The following CNOT4 variants were observed in gnomAD, a reference collection of about 807,000 sequenced individuals.
CNOT4 encodes CCR4-NOT transcription complex subunit 4, also known as CCR4-associated factor 4.
CNOT4 carries 8 observed loss-of-function variants against 73.8 expected under a neutral mutation model. The observed-to-expected ratio is 0.11, with a 90% CI of 0.06 to 0.20. CNOT4 has a LOEUF of 0.20. Ranked by LOEUF, CNOT4 falls within the 10% of genes least tolerant of loss-of-function variation. The pLI is 1.00. For missense variants in CNOT4, 564 were observed against 883.4 expected (o/e 0.64, Z 4.58); for synonymous variants, 293 against 321.1 (o/e 0.91, Z 0.94).
chr7:135,505,351 G>A (rs1585748955), intron 1 of CNOT4, among the ~76,000 whole-genome samples: 1 of 152,076 alleles, frequency 6.6e-6, no homozygotes, highest in Admixed American at 6.6e-5. Flanking sequence ...TCAGCAGTTC[G>A]AGAACAGCTG....
chr7:135,369,017 GT>G (rs112295492), intron 10 of CNOT4, among the ~76,000 whole-genome samples: 1 of 152,132 alleles, frequency 6.6e-6, no homozygotes. Context: ...AAGCCAATGG[GT>G]TTTTCCAGCT....
rs191580801 is a variant in CNOT4 at position 135,424,870 on chromosome 7, C to A, written c.175-2517G>T. Among the ~76,000 whole-genome samples the A allele has an allele frequency of 9.9e-5, 15 of 152,270 alleles. No individual in the cohort carries two copies. The East Asian group carries it at 2.9e-3, about 29-fold the overall frequency. ...TGTTGCTCTTCACTGACATCTAAAA[C>A]ACCGATGCTCCACTGCCTGAATGGA... On this transcript the variant is annotated intron_variant, in intron 2 of 11. Transcript: ENST00000541284.
chr7:135,421,508 T>C (rs564544192), intron 3 of CNOT4, among the ~76,000 whole-genome samples: 4 of 152,104 alleles, frequency 2.6e-5, no homozygotes, highest in Non-Finnish European at 5.9e-5. Flanking sequence ...TCAAGGAAAG[T>C]ATGAGTTCGA....
At chr7:135,416,563 C>A (rs564386298) in intron 3 of CNOT4, among the ~76,000 whole-genome samples, 55 of 152,228 alleles carry the variant, frequency 3.6e-4, no homozygotes, top group African/African-American at 1.2e-3. Context: ...GAGAGAAGAG[C>A]AGAGTTTGAA....
chr7:135,406,109 C>G (rs1192888885), intron 7 of CNOT4, among the ~76,000 whole-genome samples: 2 of 152,110 alleles, frequency 1.3e-5, no homozygotes, highest in African/African-American at 4.8e-5. Flanking sequence ...GAAATCTTAT[C>G]TACAAATTCA....
chr7:135,463,047 G>A (rs1162843502), intron 1 of CNOT4, among the ~76,000 whole-genome samples: 3 of 152,168 alleles, frequency 2.0e-5, no homozygotes, highest in Non-Finnish European at 4.4e-5. Flanking sequence ...TAGATGTGCA[G>A]CCTTATTTCT....
intron 10 of CNOT4, among the ~76,000 whole-genome samples, chr7:135,390,513 TA>T (rs1235338225): frequency 6.6e-6 from 1 of 152,148 alleles, no homozygotes; most frequent in Non-Finnish European, 1.5e-5. Flanking sequence ...CAAGAATATT[TA>T]TGTCAAAAAT....
At chr7:135,465,826 T>A (rs991793956) in intron 1 of CNOT4, among the ~76,000 whole-genome samples, 3 of 151,786 alleles carry the variant, frequency 2.0e-5, no homozygotes, top group Non-Finnish European at 4.4e-5. Context: ...GGCAGGTGGA[T>A]CACTTGAGGT....
At chr7:135,440,808 A>C (rs1336520464) in intron 1 of CNOT4, among the ~76,000 whole-genome samples, 1 of 152,128 alleles carries the variant, frequency 6.6e-6, no homozygotes, top group Non-Finnish European at 1.5e-5. Flanking sequence ...ATTCCCAGCT[A>C]CTTGGGAGGC....
chr7:135,501,560 C>T (rs1284851788), intron 1 of CNOT4, among the ~76,000 whole-genome samples: 2 of 152,142 alleles, frequency 1.3e-5, no homozygotes, highest in Admixed American at 6.5e-5. Flanking sequence ...TCAAACAAAC[C>T]TCAAGTGTCA....
intron 1 of CNOT4, among the ~76,000 whole-genome samples, chr7:135,446,712 TACACACACAGAC>T (rs1799854367): frequency 6.6e-6 from 1 of 151,446 alleles, no homozygotes; most frequent in South Asian, 2.1e-4. Context: ...AGATATGAAA[TACACACACAGAC>T]ACACACACAC....
chr7:135,436,102 A>G (rs1012556960), intron 2 of CNOT4, among the ~76,000 whole-genome samples: 1 of 151,862 alleles, frequency 6.6e-6, no homozygotes, highest in Non-Finnish European at 1.5e-5. Flanking sequence ...TGTCTTTCAG[A>G]GATTCCTCAC....
intron 10 of CNOT4, among the ~76,000 whole-genome samples, chr7:135,376,205 A>G (rs1390809833): frequency 6.6e-6 from 1 of 152,154 alleles, no homozygotes; most frequent in Admixed American, 6.5e-5. Context: ...AAACACATCC[A>G]TGCTTTGCAG....
chr7:135,426,573 A>G (rs1354873705), intron 2 of CNOT4, among the ~76,000 whole-genome samples: 1 of 148,636 alleles, frequency 6.7e-6, no homozygotes, highest in Non-Finnish European at 1.5e-5. Flanking sequence ...ACTGCACTCC[A>G]GCCTGGGTGA....
In CNOT4 at chr7:135,398,236, GA is replaced by G; in HGVS notation, c.822-11del. 1 of 1,413,662 alleles carries G rather than the reference GA, an allele frequency of 7.1e-7. No individual in the cohort carries two copies. Among genetic ancestry groups the G allele is most frequent in the South Asian group, 1.2e-5 (1 of 83,412 alleles). The allele number at this position is 1,413,662 out of a possible 1,614,324, so 87.6% of individuals were successfully genotyped here. ...AGGTTTGTCAATGGGGCTATAAAAAGAAAACAAATTGAATAAAATCAGAATA... is the reference window on the plus strand; with the variant it reads ...AGGTTTGTCAATGGGGCTATAAAAAGAAACAAATTGAATAAAATCAGAATA... On this transcript the variant is annotated splice_polypyrimidine_tract_variant and intron_variant, in intron 7 of 11. Coordinates refer to ENST00000541284, the MANE Select transcript of CNOT4 (RefSeq NM_001190850.2).
At chr7:135,400,951 C>A (rs890432862) in intron 7 of CNOT4, among the ~76,000 whole-genome samples, 1 of 152,042 alleles carries the variant, frequency 6.6e-6, no homozygotes, top group African/African-American at 2.4e-5. Flanking sequence ...TGGACTATAA[C>A]AAGTCAATTA....
intron 9 of CNOT4, 69 bp from the exon 10 acceptor site, chr7:135,394,484 G>A (rs1796574544): frequency 7.9e-7 from 1 of 1,262,278 alleles, no homozygotes. Context: ...AAGTATCCAT[G>A]CTACTGAAAG....
At chr7:135,415,099 G>A in intron 4 of CNOT4, 77 bp downstream of exon 4, 1 of 839,062 alleles carries the variant, frequency 1.2e-6, no homozygotes, top group South Asian at 1.5e-5. Flanking sequence ...ATCAGAGAGA[G>A]CAAAGTTTCC....
chr7:135,443,796 T>C (rs1353533601), intron 1 of CNOT4, among the ~76,000 whole-genome samples: 1 of 151,596 alleles, frequency 6.6e-6, no homozygotes, highest in African/African-American at 2.4e-5. Flanking sequence ...TTATCACTTA[T>C]AAAGTGTTGC....
Sources: allele counts gnomAD v4.1 joint callset (sites outside exome capture counted in the v4.1 genomes callset), GRCh38; gene constraint gnomAD v4.1.1; transcripts MANE v1.5; gene names NCBI Gene and HGNC (gene_info 2026-07-23, HGNC 2026-07-21).